Variants in GRM8 observed in about 807,000 individuals in gnomAD.
The protein encoded by GRM8 is metabotropic glutamate receptor 8.
A neutral mutation model predicts 87.2 loss-of-function variants in GRM8; 47 were observed. That is an observed-to-expected ratio of 0.54 (90% CI 0.43 to 0.69). The LOEUF (loss-of-function observed/expected upper bound fraction) is 0.69. GRM8 is among the 30% of genes least tolerant of loss of function. The pLI is 0.00. For missense variants in GRM8, 1,019 were observed against 1,139.2 expected, an observed-to-expected ratio of 0.89 and a Z score of 1.52; for synonymous variants, 396 against 404.5, an observed-to-expected ratio of 0.98 and a Z score of 0.25.
intron 3 of GRM8, among the ~76,000 whole-genome samples, chr7:126,915,959 T>C (rs183331727): frequency 6.6e-6 from 1 of 152,326 alleles, no homozygotes; most frequent in East Asian, 1.9e-4. Flanking sequence ...TGGTGAGTGA[T>C]TTGTGATCTT....
intron 7 of GRM8, among the ~76,000 whole-genome samples, chr7:126,670,027 C>A (rs1415465711): frequency 1.3e-5 from 2 of 152,082 alleles, no homozygotes; most frequent in Non-Finnish European, 2.9e-5. Flanking sequence ...AATATAAGAA[C>A]AACAAGGTAT....
intron 8 of GRM8, among the ~76,000 whole-genome samples, chr7:126,548,985 T>C (rs1585022634): frequency 1.3e-5 from 2 of 152,084 alleles, no homozygotes; most frequent in South Asian, 4.1e-4. Flanking sequence ...AGAAACAAAG[T>C]AGGGAGAGCT....
At chr7:127,135,271 A>G (rs1420596975) in intron 2 of GRM8, among the ~76,000 whole-genome samples, 1 of 152,156 alleles carries the variant, frequency 6.6e-6, no homozygotes, top group South Asian at 2.1e-4. Context: ...ATTTCCATAT[A>G]AATAAATCTG....
At chr7:126,973,345 T>C (rs1810625999) in intron 3 of GRM8, among the ~76,000 whole-genome samples, 1 of 152,228 alleles carries the variant, frequency 6.6e-6, no homozygotes, top group Admixed American at 6.5e-5. Flanking sequence ...CCTGGGCTCA[T>C]GTACTTGCTC....
At chr7:126,828,079 A>G (rs1794994941) in intron 6 of GRM8, among the ~76,000 whole-genome samples, 1 of 152,116 alleles carries the variant, frequency 6.6e-6, no homozygotes, top group African/African-American at 2.4e-5. Context: ...ATCATGGTGG[A>G]TAAGCTTTTT....
chr7:126,561,517 A>G (rs1178463736), intron 8 of GRM8, among the ~76,000 whole-genome samples: 1 of 152,036 alleles, frequency 6.6e-6, no homozygotes, highest in Non-Finnish European at 1.5e-5. Flanking sequence ...GCTATACCAT[A>G]TTATTACCAA....
chr7:126,792,112 T>G (rs1821410763), intron 6 of GRM8, among the ~76,000 whole-genome samples: 1 of 152,172 alleles, frequency 6.6e-6, no homozygotes, highest in African/African-American at 2.4e-5. Context: ...AGGCCCATGG[T>G]CCCAGGATGC....
chr7:126,986,931 A>C (rs915988997), intron 3 of GRM8, among the ~76,000 whole-genome samples: 2 of 152,234 alleles, frequency 1.3e-5, no homozygotes, highest in Admixed American at 6.5e-5. Context: ...AATTCATCTA[A>C]TCCTCATAAC....
At chr7:126,943,544 T>C (rs898012866) in intron 3 of GRM8, among the ~76,000 whole-genome samples, 3 of 152,254 alleles carry the variant, frequency 2.0e-5, no homozygotes, top group Non-Finnish European at 1.5e-5. Flanking sequence ...AGTTGGTATA[T>C]GCTTGGGGCC....
chr7:126,611,921 C>A (rs1329213749), intron 7 of GRM8, among the ~76,000 whole-genome samples: 1 of 152,132 alleles, frequency 6.6e-6, no homozygotes, highest in Non-Finnish European at 1.5e-5. Flanking sequence ...TTATTAAAAT[C>A]AAGTTACACT....
chr7:126,651,528 C>T (rs537174881), intron 7 of GRM8, among the ~76,000 whole-genome samples: 83 of 152,230 alleles, frequency 5.5e-4, no homozygotes, highest in Non-Finnish European at 7.2e-4. Context: ...AGTGATCCAC[C>T]AGCAAAATTT....
chr7:126,580,594 A>G (rs1277124039), intron 8 of GRM8, among the ~76,000 whole-genome samples: 1 of 152,146 alleles, frequency 6.6e-6, no homozygotes, highest in Admixed American at 6.6e-5. Flanking sequence ...GAAAGCACGA[A>G]CATTGGCATC....
At chr7:126,776,172 T>C (rs1819449613) in intron 6 of GRM8, among the ~76,000 whole-genome samples, 1 of 152,154 alleles carries the variant, frequency 6.6e-6, no homozygotes, top group Non-Finnish European at 1.5e-5. Context: ...GAGAATAATG[T>C]GTAAAATCAA....
intron 8 of GRM8, among the ~76,000 whole-genome samples, chr7:126,577,037 C>A (rs1191922362): frequency 6.6e-6 from 1 of 152,186 alleles, no homozygotes; most frequent in African/African-American, 2.4e-5. Flanking sequence ...TCGTAGCTGT[C>A]CTGTTTCAGT....
intron 6 of GRM8, among the ~76,000 whole-genome samples, chr7:126,834,989 T>C (rs1042069709): frequency 1.8e-4 from 28 of 151,688 alleles, no homozygotes; most frequent in African/African-American, 5.8e-4. Flanking sequence ...GGTGGGAGGA[T>C]TGCTTGAGCC....
chr7:127,151,487 G>A (rs2133316644), intron 2 of GRM8, among the ~76,000 whole-genome samples: 1 of 152,154 alleles, frequency 6.6e-6, no homozygotes, highest in South Asian at 2.1e-4. Context: ...ACCCAATTAT[G>A]GATGGTTGTG....
Position 126,616,918 on chromosome 7 carries a change from C to T in GRM8, c.1358-7420G>A, listed in dbSNP as rs559359902. 2.0e-4 allele frequency among the ~76,000 whole-genome samples: 31 copies of T among 152,204 alleles called. No homozygotes were observed. The East Asian group carries it at 2.3e-3, about 11-fold the overall frequency. On this transcript the variant is annotated intron_variant, in intron 7 of 10. Coordinates refer to ENST00000339582, the MANE Select transcript of GRM8 (RefSeq NM_000845.3). The stretch of plus-strand genomic sequence containing the variant: ...CAACCAAAAAAAGTCCAGGACCAGA[C>T]GGATTCAGAGCCAAATTCTACCAGA...
At chr7:126,848,618 C>G (rs1042488321) in intron 6 of GRM8, among the ~76,000 whole-genome samples, 1 of 151,974 alleles carries the variant, frequency 6.6e-6, no homozygotes, top group African/African-American at 2.4e-5. Flanking sequence ...GCCAGAAATT[C>G]GAGACCAGCC....
chr7:126,533,228 G>C lies in GRM8; in HGVS notation c.2154C>G (p.Pro718=), dbSNP rs370933027. ...LGVFVWFVVD[P]PHIIIDYGEQ... Reference sequence around the variant, plus strand: ...CTCCATAGTCAATGATGATGTGGGGGGGATCCACAACAAACCAGACAAACA... The same window carrying C: ...CTCCATAGTCAATGATGATGTGGGGCGGATCCACAACAAACCAGACAAACA... Residue 718 remains proline, a synonymous_variant, in exon 9 of 11, where the codon CCC becomes CCG. Coordinates refer to ENST00000339582, the MANE Select transcript of GRM8 (RefSeq NM_000845.3). 8 of 1,613,162 alleles carry C rather than the reference G, an allele frequency of 5.0e-6. No individual in the cohort carries two copies. In the African/African-American group the frequency reaches 9.4e-5, roughly 19 times the overall value.
Sources: gnomAD v4.1 joint callset for allele counts (sites outside exome capture counted in the v4.1 genomes callset) on GRCh38, gnomAD v4.1.1 for gene constraint, MANE v1.5 for transcripts, NCBI Gene and HGNC (gene_info 2026-07-23, HGNC 2026-07-21) for gene names.